Variants in EWSR1 observed in about 807,000 individuals in gnomAD.
EWSR1 encodes EWS RNA binding protein 1.
A neutral mutation model predicts 92.1 loss-of-function variants in EWSR1; 14 were observed. That is an observed-to-expected ratio of 0.15 (90% CI 0.10 to 0.24). The LOEUF is 0.24. Ranked by LOEUF, EWSR1 falls within the 10% of genes least tolerant of loss-of-function variation. The pLI is 1.00. For synonymous variants in EWSR1, 303 were observed against 292.9 expected, an observed-to-expected ratio of 1.03 and a Z score of -0.35; for missense variants, 637 against 870.9, an observed-to-expected ratio of 0.73 and a Z score of 3.38.
At chr22:29,299,939 T>A (rs2518683) in intron 16 of EWSR1, 88 bp downstream of exon 16, 9 of 1,534,688 alleles carry the variant, frequency 5.9e-6, no homozygotes, top group Non-Finnish European at 7.0e-6. Context: ...TCCTCATGTC[T>A]CTAGGAAGCT....
At chr22:29,278,457 C>T (rs994358662) in intron 5 of EWSR1, among the ~76,000 whole-genome samples, 7 of 152,092 alleles carry the variant, frequency 4.6e-5, no homozygotes, top group Non-Finnish European at 7.4e-5. Context: ...GAGGCCGAGG[C>T]GGGCGGATCA....
At chr22:29,282,912 G>A (rs1053529958) in intron 6 of EWSR1, among the ~76,000 whole-genome samples, 3 of 151,960 alleles carry the variant, frequency 2.0e-5, no homozygotes, top group African/African-American at 2.4e-5. Context: ...ACGGGTGCCC[G>A]CCACCACGCC....
At chr22:29,295,994 G>T (rs2060828967) in intron 11 of EWSR1, 2 of 379,836 alleles carry the variant, frequency 5.3e-6, no homozygotes, top group African/African-American at 2.1e-5. Context: ...ATCAGAAGAT[G>T]GCTAAGGCAG....
intron 4 of EWSR1, chr22:29,275,966 C>A (rs1408846944): frequency 4.5e-6 from 1 of 222,650 alleles, no homozygotes; most frequent in Non-Finnish European, 8.8e-6. Context: ...TCATTTTGCT[C>A]TGTTGATTTT....
intron 4 of EWSR1, among the ~76,000 whole-genome samples, chr22:29,274,706 A>T (rs2058965238): frequency 1.3e-5 from 2 of 151,992 alleles, no homozygotes; most frequent in Admixed American, 6.6e-5. Flanking sequence ...AGTGTTATGA[A>T]TTATTTTAAT....
At chr22:29,269,969 T>C (rs2058528952) in intron 1 of EWSR1, among the ~76,000 whole-genome samples, 1 of 152,248 alleles carries the variant, frequency 6.6e-6, no homozygotes, top group South Asian at 2.1e-4. Context: ...ACATTAGGCC[T>C]GGCTGGGGGG....
Position 29,297,866 on chromosome 22 carries a change from C to A in EWSR1, c.1334C>A (p.Ala445Asp). The change falls in exon 13 of 17, where the codon GCT becomes GAT. Residue 445 changes from alanine (A) to aspartate (D), a missense_variant. By Grantham distance (126) the Ala-to-Asp change is moderately radical. This residue lies in a region of EWSR1 where 363 missense variants were observed against 447.8 expected (regional missense o/e 0.81). Coordinates refer to ENST00000397938, the MANE Select transcript of EWSR1 (RefSeq NM_005243.4). ...GGGAGCAAACTTAAAGTCTCCCTTG[C>A]TCGGAAGAAGCCTCCAATGAACAGT... ...FQGSKLKVSL[A>D]RKKPPMNSMR... 5 of 1,614,056 alleles carry A rather than the reference C, an allele frequency of 3.1e-6. No homozygotes were observed. The highest frequency in any genetic ancestry group is 4.2e-6 in the Non-Finnish European group (5 of 1,179,996).
intron 4 of EWSR1, among the ~76,000 whole-genome samples, chr22:29,275,330 G>A (rs1431955489): frequency 1.3e-5 from 2 of 152,156 alleles, no homozygotes; most frequent in East Asian, 1.9e-4. Flanking sequence ...GTGATTTATA[G>A]GCAAATTAAT....
At chr22:29,284,034 A>C (rs1053085814) in intron 6 of EWSR1, among the ~76,000 whole-genome samples, 1 of 151,056 alleles carries the variant, frequency 6.6e-6, no homozygotes, top group South Asian at 2.1e-4. Flanking sequence ...GGGTTTCTCC[A>C]TGTTGGTCAG....
chr22:29,278,677 T>C (rs2059316795), intron 5 of EWSR1, among the ~76,000 whole-genome samples: 1 of 151,900 alleles, frequency 6.6e-6, no homozygotes, highest in African/African-American at 2.4e-5. Flanking sequence ...TACAAAAAAT[T>C]AGCCGGGCAT....
At chr22:29,289,259 G>A (rs898717484) in intron 8 of EWSR1, 1 of 232,956 alleles carries the variant, frequency 4.3e-6, no homozygotes, top group Non-Finnish European at 8.5e-6. Flanking sequence ...AACATATGAA[G>A]ATTTTGGTCC....
chr22:29,277,938 A>T, intron 4 of EWSR1, 92 bp from the exon 5 acceptor site: 2 of 1,143,414 alleles, frequency 1.7e-6, no homozygotes, highest in Non-Finnish European at 2.5e-6. Flanking sequence ...CTGATGGTTT[A>T]AAGTAAGTGG....
intron 4 of EWSR1, among the ~76,000 whole-genome samples, chr22:29,274,886 C>T (rs527318657): frequency 6.6e-6 from 1 of 152,286 alleles, no homozygotes; most frequent in Non-Finnish European, 1.5e-5. Flanking sequence ...CTGTCTCCCC[C>T]TGCCCTTTTA....
At chr22:29,273,686 C>G (rs2058872132) in intron 3 of EWSR1, 55 bp from the exon 4 acceptor site, 5 of 1,576,592 alleles carry the variant, frequency 3.2e-6, no homozygotes, top group Non-Finnish European at 4.3e-6. Flanking sequence ...CATTTTATTG[C>G]TAAAATACAA....
chr22:29,282,615 G>A, intron 6 of EWSR1, 58 bp downstream of exon 6: 2 of 1,430,240 alleles, frequency 1.4e-6, no homozygotes, highest in South Asian at 3.2e-5. Context: ...TTTTCAGGTT[G>A]TTGACCAGCT....
In EWSR1 at chr22:29,299,797, T is replaced by C; in HGVS notation, c.1877T>C (p.Met626Thr). 6.3e-7 allele frequency: 1 copy of C among 1,579,096 alleles called. No individual in the cohort carries two copies. The highest frequency in any genetic ancestry group is 8.6e-7 in the Non-Finnish European group (1 of 1,159,552). Reference sequence around the variant, plus strand: ...CCTGGGGGGCCCCCTGGACCTTTGATGGAACAGATGGGAGGAAGAAGAGGA... The same window carrying C: ...CCTGGGGGGCCCCCTGGACCTTTGACGGAACAGATGGGAGGAAGAAGAGGA... ...GGPGGPPGPL[M>T]EQMGGRRGGR... Residue 626 changes from methionine (M) to threonine (T), a missense_variant, in exon 16 of 17, where the codon ATG (methionine) becomes ACG (threonine). This residue lies in a region of EWSR1 where 363 missense variants were observed against 447.8 expected (regional missense o/e 0.81). Coordinates refer to ENST00000397938, the MANE Select transcript of EWSR1 (RefSeq NM_005243.4).
chr22:29,279,490 C>T (rs1036564137), intron 5 of EWSR1, among the ~76,000 whole-genome samples: 3 of 152,138 alleles, frequency 2.0e-5, no homozygotes, highest in African/African-American at 7.2e-5. Context: ...ATGAGCAGAG[C>T]TCATACCCCA....
At chr22:29,273,398 T>A (rs1213776433) in intron 3 of EWSR1, among the ~76,000 whole-genome samples, 1 of 152,242 alleles carries the variant, frequency 6.6e-6, no homozygotes, top group East Asian at 1.9e-4. Flanking sequence ...ACCTGTGCCC[T>A]TATTGCTCTT....
At chr22:29,272,082 T>G (rs916852756) in intron 1 of EWSR1, 134 bp from the exon 2 acceptor site, 2 of 727,380 alleles carry the variant, frequency 2.7e-6, no homozygotes, top group Non-Finnish European at 4.7e-6. Flanking sequence ...TAAGGGGGAC[T>G]CATTTGGACC....
Sources: allele counts gnomAD v4.1 joint callset (sites outside exome capture counted in the v4.1 genomes callset), GRCh38; gene constraint gnomAD v4.1.1; regional missense constraint gnomAD v4.1.1; transcripts MANE v1.5; gene names NCBI Gene and HGNC (gene_info 2026-07-23, HGNC 2026-07-21).